Variants in F10 observed in about 807,000 individuals in gnomAD.
F10 encodes the protein Stuart-Prower factor.
Under a neutral mutation model 37.1 loss-of-function variants are expected in F10, and 29 were observed. The ratio of observed to expected loss-of-function variants is 0.78; its 90% CI spans 0.58 to 1.07. F10 has a LOEUF of 1.07. Among genes scored for constraint, F10 ranks in the 50% least tolerant of loss-of-function variants. The probability of loss-of-function intolerance (pLI) is 0.00; values close to 1 mark genes in which losing one functional copy is unlikely to be tolerated. For missense variants in F10, 539 were observed against 667.9 expected (o/e 0.81, Z 2.13); for synonymous variants, 262 against 268.6 (o/e 0.98, Z 0.24).
intron 1 of F10, among the ~76,000 whole-genome samples, chr13:113,129,070 T>C (rs1252171586): frequency 6.6e-6 from 1 of 152,182 alleles, no homozygotes; most frequent in Non-Finnish European, 1.5e-5. Flanking sequence ...CTATATGTCA[T>C]GTGATCCTAT....
chr13:113,129,703 C>A, intron 2 of F10, 91 bp downstream of exon 2: 1 of 1,561,150 alleles, frequency 6.4e-7, no homozygotes, highest in Non-Finnish European at 8.8e-7. Context: ...AGGGGGGCGG[C>A]CTGGAGGAAG....
chr13:113,132,790 C>T (rs192738955), intron 2 of F10, among the ~76,000 whole-genome samples: 77 of 152,334 alleles, frequency 5.1e-4, no homozygotes, highest in Admixed American at 4.1e-3. Flanking sequence ...TCAACAATAG[C>T]AAAGTACACT....
intron 2 of F10, among the ~76,000 whole-genome samples, chr13:113,136,960 C>T (rs1489211714): frequency 1.4e-5 from 2 of 142,404 alleles, no homozygotes. Flanking sequence ...AATTCTTGTA[C>T]TTTTAGTAGA....
Position 113,143,604 on chromosome 13 carries a change from T to C in F10, c.503-247T>C, listed in dbSNP as rs1411260289. On this transcript the variant is annotated intron_variant, in intron 5 of 7. Coordinates refer to ENST00000375559, the MANE Select transcript of F10 (RefSeq NM_000504.4). The surrounding 1 kb of genome is among the most constrained non-coding windows in gnomAD (Gnocchi z 6.8). ...GCCAACACTCCCCTCGCTGCCTGGG[T>C]TGCTGCCTGGCGTCCATTGTTCACA... Among the ~76,000 whole-genome samples the C allele has an allele frequency of 1.3e-5, 2 of 152,108 alleles. No individual in the cohort carries two copies. Among genetic ancestry groups the C allele is most frequent in the Non-Finnish European group, 2.9e-5 (2 of 68,006 alleles).
rs114490851 is a variant in F10, at chr13:113,124,714, C to T, written c.70+1789C>T. On this transcript the variant is annotated intron_variant, in intron 1 of 7. Transcript: ENST00000375559. The stretch of plus-strand genomic sequence containing the variant: ...GGCAGTCACGGAAGTTCTTCTGGGG[C>T]GGTGGGACCTCAGCATTCCTTTGCT... Among the ~76,000 whole-genome samples, 304 of 152,362 alleles carry T rather than the reference C, an allele frequency of 2.0e-3. 1 individual carries two copies. Among genetic ancestry groups the T allele is most frequent in the African/African-American group, 7.1e-3 (295 of 41,590 alleles).
rs894120300 is a variant in F10, at chr13:113,143,280, G to A, written c.503-571G>A. Reference sequence around the variant, plus strand: ...ACAAAAGGAAGCTTCCTAACATCTCGGCGTGGCCTCTCTGGGAGCTGTGCT... The same window carrying A: ...ACAAAAGGAAGCTTCCTAACATCTCAGCGTGGCCTCTCTGGGAGCTGTGCT... On this transcript the variant is annotated intron_variant, in intron 5 of 7. Coordinates refer to ENST00000375559, the MANE Select transcript of F10 (RefSeq NM_000504.4). The surrounding 1 kb of genome is among the most constrained non-coding windows in gnomAD (Gnocchi z 6.8). Among the ~76,000 whole-genome samples the A allele has an allele frequency of 7.2e-5, 11 of 151,950 alleles. No homozygotes were observed. Among genetic ancestry groups the A allele is most frequent in the Non-Finnish European group, 1.3e-4 (9 of 68,006 alleles).
rs992464514 is a variant in F10 at position 113,144,201 on chromosome 13, G to T, written c.747+106G>T. ...TGGAATAGCAATCCGGGAAGGAACT[G>T]TTCCGAACTAGGACAGAGGGGCTCC... On this transcript the variant is annotated intron_variant, in intron 6 of 7. Coordinates refer to ENST00000375559, the MANE Select transcript of F10 (RefSeq NM_000504.4). The surrounding 1 kb of genome is among the most constrained non-coding windows in gnomAD (Gnocchi z 6.4). The T allele has an allele frequency of 1.3e-6, 2 of 1,554,650 alleles. No individual in the cohort carries two copies. Among genetic ancestry groups the T allele is most frequent in the Non-Finnish European group, 1.7e-6 (2 of 1,143,862 alleles).
intron 1 of F10, among the ~76,000 whole-genome samples, chr13:113,123,600 G>A (rs975246436): frequency 1.3e-5 from 2 of 152,164 alleles, no homozygotes; most frequent in African/African-American, 2.4e-5. Context: ...TTTGCATCCT[G>A]GACAAAGTGG....
Position 113,139,511 on chromosome 13 carries a change from CT to C in F10, c.370+42del. On this transcript the variant is annotated intron_variant, in intron 4 of 7. Transcript: ENST00000375559. The surrounding 1 kb of genome is among the most constrained non-coding windows in gnomAD (Gnocchi z 5.2). ...TGGTATACCTTCAGATCAGATGCCC[CT>C]GAAGAGTGGCAGGTGGGCGGGGGAA... 2 of 1,492,776 alleles carry C rather than the reference CT, an allele frequency of 1.3e-6. No homozygotes were observed. Among genetic ancestry groups the C allele is most frequent in the Non-Finnish European group, 9.3e-7 (1 of 1,070,282 alleles). The allele number at this position is 1,492,776 out of a possible 1,614,324, so 92.5% of individuals were successfully genotyped here.
rs1252828778 is a variant in F10 at position 113,146,374 on chromosome 13, G to A, written c.748-1005G>A. ...AGCAGGAAAAGCCTCTTGTGGGGCT[G>A]AGGAGCTGGACTTGGAGCTGCAGGC... On this transcript the variant is annotated intron_variant, in intron 6 of 7. Coordinates refer to ENST00000375559, the MANE Select transcript of F10 (RefSeq NM_000504.4). The surrounding 1 kb of genome is among the most constrained non-coding windows in gnomAD (Gnocchi z 4.5). 6.6e-6 allele frequency among the ~76,000 whole-genome samples: 1 copy of A among 152,198 alleles called. No homozygotes were observed. Among genetic ancestry groups the A allele is most frequent in the African/African-American group, 2.4e-5 (1 of 41,468 alleles).
chr13:113,148,100 C>T (rs1180948302), intron 7 of F10, among the ~76,000 whole-genome samples: 2 of 151,916 alleles, frequency 1.3e-5, no homozygotes, highest in African/African-American at 2.4e-5. Context: ...GAGGCTGAGG[C>T]GGGCAGATCA....
chr13:113,141,083 G>A lies in F10; in HGVS notation c.502+33G>A. The A allele has an allele frequency of 6.2e-7, 1 of 1,611,384 alleles. No homozygotes were observed. Among genetic ancestry groups the A allele is most frequent in the South Asian group, 1.1e-5 (1 of 91,052 alleles). On this transcript the variant is annotated intron_variant, in intron 5 of 7. Coordinates refer to ENST00000375559, the MANE Select transcript of F10 (RefSeq NM_000504.4). This position sits in a 1 kb window ranked among gnomAD's most constrained non-coding sequence, Gnocchi z 5.4. Reference sequence around the variant, plus strand: ...GCACGTTGGGCCACAGCCACCCGCTGCCGCTGGGCCGGGCCAGGGAGGACA... The same window carrying A: ...GCACGTTGGGCCACAGCCACCCGCTACCGCTGGGCCGGGCCAGGGAGGACA...
At chr13:113,125,646 C>T (rs534614564) in intron 1 of F10, among the ~76,000 whole-genome samples, 2 of 152,372 alleles carry the variant, frequency 1.3e-5, no homozygotes, top group South Asian at 4.1e-4. Flanking sequence ...GGCCCAGACC[C>T]GGCCTGCTCA....
chr13:113,140,510 G>A, intron 4 of F10: 1 of 477,528 alleles, frequency 2.1e-6, no homozygotes, highest in South Asian at 1.5e-5. Context: ...GGTAACTTAT[G>A]AGGCATAACC....
At chr13:113,128,243 G>C (rs1214575371) in intron 1 of F10, 1 of 152,248 alleles carries the variant, frequency 6.6e-6, no homozygotes, top group African/African-American at 2.4e-5. Context: ...GTCCAAGGTA[G>C]TTGGGTCACA....
intron 5 of F10, among the ~76,000 whole-genome samples, chr13:113,142,138 CTGG>C (rs2036534209): frequency 6.6e-6 from 1 of 152,238 alleles, no homozygotes; most frequent in Non-Finnish European, 1.5e-5. Context: ...GACCTTGCTA[CTGG>C]CAATGACATT....
chr13:113,125,842 G>A (rs1461179728), intron 1 of F10, among the ~76,000 whole-genome samples: 1 of 152,254 alleles, frequency 6.6e-6, no homozygotes, highest in Non-Finnish European at 1.5e-5. Flanking sequence ...TTCCAGCGGA[G>A]GGAAGGATAA....
At chr13:113,129,725 G>A (rs1239193255) in intron 2 of F10, 113 bp downstream of exon 2, 2 of 1,427,346 alleles carry the variant, frequency 1.4e-6, no homozygotes, top group Middle Eastern at 2.4e-4. Context: ...GGCAGCGTGC[G>A]CGAAGGCTTT....
chr13:113,147,161 T>C (rs1272713659), intron 6 of F10, among the ~76,000 whole-genome samples: 2 of 151,392 alleles, frequency 1.3e-5, no homozygotes, highest in Admixed American at 6.6e-5. Context: ...TGTGATGGAG[T>C]TGGTAGAAAG....
Sources: allele counts gnomAD v4.1 joint callset (sites outside exome capture counted in the v4.1 genomes callset), GRCh38; gene constraint gnomAD v4.1.1; non-coding constraint Gnocchi (gnomAD v3.1); transcripts MANE v1.5; gene names NCBI Gene and HGNC (gene_info 2026-07-23, HGNC 2026-07-21).